Variants in DTD2 observed in about 807,000 individuals in gnomAD.
The protein encoded by DTD2 is D-tyrosyl-tRNA deacylase 2 (putative).
Under a neutral mutation model 15.5 loss-of-function variants are expected in DTD2, and 12 were observed. The ratio of observed to expected loss-of-function variants is 0.77; its 90% CI spans 0.50 to 1.25. The LOEUF (loss-of-function observed/expected upper bound fraction) is 1.25. Ranked by LOEUF, DTD2 falls within the 50% of genes most tolerant of loss-of-function variation. The pLI is 0.00. For synonymous variants in DTD2, 59 were observed against 77.3 expected, an observed-to-expected ratio of 0.76 and a Z score of 1.24; for missense variants, 170 against 201.1, an observed-to-expected ratio of 0.85 and a Z score of 0.93.
chr14:31,450,171 A>G (rs958349886), intron 2 of DTD2, among the ~76,000 whole-genome samples: 19 of 152,166 alleles, frequency 1.2e-4, no homozygotes, highest in African/African-American at 4.6e-4. Context: ...TAATGCTACA[A>G]TTTATTATGT....
chr14:31,448,420 T>C lies in DTD2; in HGVS notation c.216A>G (p.Thr72=), dbSNP rs1435640176. Residue 72 remains threonine (T), a synonymous_variant, in exon 3 of 3, where the codon ACA becomes ACG. Transcript: ENST00000310850. The part of the protein sequence containing the change: ...NTLLNVKLSE[T]ENGKHVSILD... ...ATATAGAGACATGCTTGCCATTTTC[T>C]GTCTCACTTAATTTCACATTTAACA... 1.9e-6 allele frequency: 3 copies of C among 1,613,476 alleles called. No individual in the cohort carries two copies. The highest frequency in any genetic ancestry group is 3.3e-5 in the Admixed American group (2 of 59,922).
Position 31,446,093 on chromosome 14 carries a change from G to A in DTD2, c.*2036C>T, listed in dbSNP as rs1288400993. On this transcript the variant is annotated 3_prime_UTR_variant, in exon 3 of 3. Transcript: ENST00000310850. The stretch of plus-strand genomic sequence containing the variant: ...AGTAAGTGTATTGTGAATCAATAAA[G>A]CAAAAGTTAAGGACAATGAGCTCAT... The A allele has an allele frequency of 2.6e-5, 4 of 152,148 alleles. No homozygotes were observed. Among genetic ancestry groups the A allele is most frequent in the African/African-American group, 9.7e-5 (4 of 41,442 alleles). The allele number at this position is 152,148 out of a possible 1,614,324, so 9.4% of individuals were successfully genotyped here.
chr14:31,453,022 C>T (rs942178423), intron 2 of DTD2: 5 of 307,674 alleles, frequency 1.6e-5, no homozygotes, highest in East Asian at 5.8e-5. Context: ...ACTGCAGCCT[C>T]GACCTCCTGG....
Position 31,448,143 on chromosome 14 carries a change from A to G in DTD2, c.493T>C (p.Leu165=), listed in dbSNP as rs2031984257. The G allele has an allele frequency of 1.9e-6, 3 of 1,604,266 alleles. No homozygotes were observed. The highest frequency in any genetic ancestry group is 1.7e-5 in the Admixed American group (1 of 58,354). ...GTTTTTCATTTTCAAAACTCAATTA[A>G]GTGTGTGAATGGTCCGTTGGTGTCC... ...KLDTNGPFTH[L]IEF is the part of the protein sequence containing the mutation. The change falls in exon 3 of 3, where the codon TTA becomes CTA. Residue 165 remains leucine, a synonymous_variant. Transcript: ENST00000310850.
rs2139365646 is a variant in DTD2 at position 31,457,500 on chromosome 14, G to C, written c.-107C>G. 1.2e-6 allele frequency: 1 copy of C among 800,820 alleles called. No individual in the cohort carries two copies. The highest frequency in any genetic ancestry group is 1.8e-6 in the Non-Finnish European group (1 of 541,836). 49.6% of individuals were successfully genotyped at this position (800,820 alleles called of 1,614,324 possible). A position where few individuals can be genotyped will look rare whatever the true frequency, so the allele number is the denominator to read the frequency against. Reference sequence around the variant, plus strand: ...AGGCGGGGCACGACGAAGGGCCTGCGCCGATTGCCCAGTGGCCCCGCCCTT... The same window carrying C: ...AGGCGGGGCACGACGAAGGGCCTGCCCCGATTGCCCAGTGGCCCCGCCCTT... On this transcript the variant is annotated 5_prime_UTR_variant, in exon 1 of 3. Coordinates refer to ENST00000310850, the MANE Select transcript of DTD2 (RefSeq NM_080664.3).
intron 1 of DTD2, chr14:31,457,009 C>A: frequency 2.0e-6 from 1 of 494,720 alleles, no homozygotes; most frequent in Non-Finnish European, 3.6e-6. Context: ...CTGAAGTTCA[C>A]CGAACTCAGT....
rs1447552718 is a variant in DTD2, at chr14:31,457,429, G to C, written c.-36C>G. 22 of 1,398,692 alleles carry C rather than the reference G, an allele frequency of 1.6e-5. No homozygotes were observed. Among genetic ancestry groups the C allele is most frequent in the Non-Finnish European group, 1.9e-5 (20 of 1,058,434 alleles). 86.6% of individuals were successfully genotyped at this position (1,398,692 alleles called of 1,614,324 possible). Reference sequence around the variant, plus strand: ...AGCGCCGCGGCCGGACAGTTACTAGGCCATGTGTCGCTGGCCCCTCCCTCG... The same window carrying C: ...AGCGCCGCGGCCGGACAGTTACTAGCCCATGTGTCGCTGGCCCCTCCCTCG... On this transcript the variant is annotated 5_prime_UTR_variant, in exon 1 of 3. Transcript: ENST00000310850.
chr14:31,453,566 G>C (rs1029539473), intron 1 of DTD2, among the ~76,000 whole-genome samples: 1 of 152,174 alleles, frequency 6.6e-6, no homozygotes, highest in Non-Finnish European at 1.5e-5. Flanking sequence ...ATACCCAAGA[G>C]CAGTGAAGAC....
intron 2 of DTD2, chr14:31,452,335 T>C (rs1353666302): frequency 6.6e-6 from 1 of 152,278 alleles, no homozygotes; most frequent in Non-Finnish European, 1.5e-5. Context: ...AAATGCAGCA[T>C]CTGTTTCTCC....
chr14:31,455,797 G>T (rs2139364443), intron 1 of DTD2, among the ~76,000 whole-genome samples: 1 of 151,826 alleles, frequency 6.6e-6, no homozygotes, highest in South Asian at 2.1e-4. Flanking sequence ...GGCCAGGCTG[G>T]TCTCAAACTC....
rs1043015539 is a variant in DTD2, at chr14:31,447,988, G to A, written c.*141C>T. 4.4e-6 allele frequency: 3 copies of A among 688,404 alleles called. No homozygotes were observed. In the East Asian group the frequency reaches 8.3e-5, roughly 19 times the overall value. 42.6% of individuals were successfully genotyped at this position (688,404 alleles called of 1,614,324 possible). A position where few individuals can be genotyped will look rare whatever the true frequency, so the allele number is the denominator to read the frequency against. On this transcript the variant is annotated 3_prime_UTR_variant, in exon 3 of 3. Transcript: ENST00000310850. ...TGGCAAAGTCATCCAATTAGCAGGTGCAGAGTTATATATGAAACCCAAGAT... is the reference window on the plus strand; with the variant it reads ...TGGCAAAGTCATCCAATTAGCAGGTACAGAGTTATATATGAAACCCAAGAT...
chr14:31,446,169 G>C lies in DTD2; in HGVS notation c.*1960C>G, dbSNP rs940959455. 69 of 152,258 alleles carry C rather than the reference G, an allele frequency of 4.5e-4. 1 individual carries two copies. Among genetic ancestry groups the C allele is most frequent in the African/African-American group, 1.5e-3 (63 of 41,528 alleles). 9.4% of individuals were successfully genotyped at this position (152,258 alleles called of 1,614,324 possible). The stretch of plus-strand genomic sequence containing the variant: ...GTTCCAAAATAGAACAGTACAGGAA[G>C]GGTATAGAGAAAATAGGATTTTTCA... On this transcript the variant is annotated 3_prime_UTR_variant, in exon 3 of 3. Coordinates refer to ENST00000310850, the MANE Select transcript of DTD2 (RefSeq NM_080664.3).
At chr14:31,456,951 C>T in intron 1 of DTD2, 1 of 308,810 alleles carries the variant, frequency 3.2e-6, no homozygotes, top group Non-Finnish European at 6.1e-6. Flanking sequence ...CAAGCTTGCC[C>T]CCGACCAGCA....
intron 2 of DTD2, among the ~76,000 whole-genome samples, chr14:31,449,609 TCAA>T (rs2032006147): frequency 6.6e-6 from 1 of 152,196 alleles, no homozygotes; most frequent in Admixed American, 6.5e-5. Context: ...CCTTTATACC[TCAA>T]CATTAACCAT....
intron 2 of DTD2, among the ~76,000 whole-genome samples, chr14:31,449,251 C>T (rs1441009242): frequency 2.0e-5 from 3 of 152,170 alleles, no homozygotes; most frequent in Non-Finnish European, 4.4e-5. Flanking sequence ...TTATTTTAAA[C>T]TTAGTTGCCA....
chr14:31,453,486 A>G (rs904644369), intron 1 of DTD2, 142 bp from the exon 2 acceptor site: 19 of 634,780 alleles, frequency 3.0e-5, no homozygotes, highest in Non-Finnish European at 4.5e-5. Flanking sequence ...AAGATTTCTC[A>G]TGTGAGAAAA....
chr14:31,453,028 C>T, intron 2 of DTD2: 1 of 330,496 alleles, frequency 3.0e-6, no homozygotes, highest in East Asian at 5.2e-5. Context: ...GCCTCGACCT[C>T]CTGGCCTCAA....
chr14:31,450,612 G>C (rs922566703), intron 2 of DTD2, among the ~76,000 whole-genome samples: 7 of 152,162 alleles, frequency 4.6e-5, no homozygotes, highest in Admixed American at 3.9e-4. Flanking sequence ...TGCTGGAATA[G>C]AGGGAAGTAC....
Position 31,453,416 on chromosome 14 carries a change from T to A in DTD2, c.112-72A>T, listed in dbSNP as rs778376096. ...AAGATACAGGGCTAAATGGGTACAG[T>A]TTCACAACTATTAATATTATAGACA... is the stretch of plus-strand genomic sequence containing the variant. On this transcript the variant is annotated intron_variant, in intron 1 of 2. Coordinates refer to ENST00000310850, the MANE Select transcript of DTD2 (RefSeq NM_080664.3). 4.5e-4 allele frequency: 576 copies of A among 1,274,298 alleles called. 1 individual carries two copies. Among genetic ancestry groups the A allele is most frequent in the Middle Eastern group, 9.4e-4 (5 of 5,328 alleles). The allele number at this position is 1,274,298 out of a possible 1,614,324, so 78.9% of individuals were successfully genotyped here. A position where few individuals can be genotyped will look rare whatever the true frequency, so the allele number is the denominator to read the frequency against.
Sources: allele counts gnomAD v4.1 joint callset (sites outside exome capture counted in the v4.1 genomes callset), GRCh38; gene constraint gnomAD v4.1.1; transcripts MANE v1.5; gene names NCBI Gene and HGNC (gene_info 2026-07-23, HGNC 2026-07-21).